Variants in SHISA9 observed in about 807,000 individuals in gnomAD.
SHISA9 encodes the protein shisa family member 9.
In SHISA9, 13 loss-of-function variants were observed where a neutral mutation model predicts 38.0. That is an observed-to-expected ratio of 0.34 (90% CI 0.22 to 0.54). SHISA9 has a LOEUF of 0.54. Ranked by LOEUF, SHISA9 falls within the 20% of genes least tolerant of loss-of-function variation. SHISA9 has a pLI of 0.91. For missense variants in SHISA9, 538 were observed against 575.8 expected, an observed-to-expected ratio of 0.93 and a Z score of 0.67; for synonymous variants, 275 against 242.0, an observed-to-expected ratio of 1.14 and a Z score of -1.27.
the SHISA9 span, among the ~76,000 whole-genome samples, chr16:13,449,694 G>A: frequency 6.6e-5 from 10 of 152,094 alleles, 1 homozygote; most frequent in South Asian, 8.3e-4. Context: ...TGATATTCAC[G>A]GCAAACCCCA....
intron 2 of SHISA9, among the ~76,000 whole-genome samples, chr16:13,100,013 G>C (rs1159269089): frequency 6.6e-6 from 1 of 152,178 alleles, no homozygotes; most frequent in Non-Finnish European, 1.5e-5. Flanking sequence ...ATGGGACTCA[G>C]CAGGAGGTCT....
At chr16:13,515,556 G>A in the SHISA9 span, among the ~76,000 whole-genome samples, 1 of 152,128 alleles carries the variant, frequency 6.6e-6, no homozygotes, top group Non-Finnish European at 1.5e-5. Flanking sequence ...CAGGGTCACA[G>A]ATATGTTTGA....
chr16:13,162,957 T>C (rs2050608276), intron 2 of SHISA9, among the ~76,000 whole-genome samples: 1 of 152,186 alleles, frequency 6.6e-6, no homozygotes, highest in Non-Finnish European at 1.5e-5. Context: ...CTAAATGTGT[T>C]ATTTATAATG....
At chr16:13,003,806 C>G (rs558675950) in intron 2 of SHISA9, among the ~76,000 whole-genome samples, 9 of 151,904 alleles carry the variant, frequency 5.9e-5, no homozygotes, top group Non-Finnish European at 7.4e-5. Context: ...TGCAGTGAGC[C>G]GAGATCGCGC....
At chr16:13,532,557 A>ATGTGTGTGTGTG in the SHISA9 span, among the ~76,000 whole-genome samples, 823 of 150,142 alleles carry the variant, frequency 5.5e-3, 5 homozygotes, top group African/African-American at 0.019. Flanking sequence ...GCGTGTGTGT[A>ATGTGTGTGTGTG]TGTGTGTGTG....
chr16:13,317,858 A>G, the SHISA9 span, among the ~76,000 whole-genome samples: 1 of 152,184 alleles, frequency 6.6e-6, no homozygotes, highest in African/African-American at 2.4e-5. Context: ...AGTCCCTAAG[A>G]TTGGAAATGC....
chr16:13,172,479 A>G (rs1265827214), intron 2 of SHISA9, among the ~76,000 whole-genome samples: 1 of 152,208 alleles, frequency 6.6e-6, no homozygotes, highest in Non-Finnish European at 1.5e-5. Context: ...GTGTGCATGA[A>G]GCCTCTTTAA....
At chr16:13,043,217 G>A (rs2073151609) in intron 2 of SHISA9, among the ~76,000 whole-genome samples, 1 of 152,148 alleles carries the variant, frequency 6.6e-6, no homozygotes. Context: ...TGAGGTCAGA[G>A]GAGTGGCATA....
intron 2 of SHISA9, among the ~76,000 whole-genome samples, chr16:13,013,614 A>G (rs1273698431): frequency 6.6e-6 from 1 of 152,142 alleles, no homozygotes; most frequent in Non-Finnish European, 1.5e-5. Context: ...GTGTCTCCTA[A>G]AGGGTCTTCT....
At chr16:13,194,576 T>C (rs1251644117) in intron 2 of SHISA9, among the ~76,000 whole-genome samples, 1 of 152,232 alleles carries the variant, frequency 6.6e-6, no homozygotes, top group Non-Finnish European at 1.5e-5. Flanking sequence ...ATGTTTATTA[T>C]GTATACAAGT....
At chr16:13,488,159 C>T in the SHISA9 span, among the ~76,000 whole-genome samples, 1 of 152,044 alleles carries the variant, frequency 6.6e-6, no homozygotes, top group African/African-American at 2.4e-5. Flanking sequence ...ACTCTTTCCA[C>T]CTGAGCCCCT....
the SHISA9 span, among the ~76,000 whole-genome samples, chr16:13,300,973 C>T: frequency 6.6e-6 from 1 of 151,840 alleles, no homozygotes; most frequent in Non-Finnish European, 1.5e-5. Flanking sequence ...TTTCACTCTC[C>T]TGTGACTCTT....
At chr16:13,288,327 G>C in the SHISA9 span, among the ~76,000 whole-genome samples, 3 of 152,146 alleles carry the variant, frequency 2.0e-5, no homozygotes, top group Non-Finnish European at 2.9e-5. Flanking sequence ...CAAGATCAGA[G>C]TGCTTGCATG....
At position 13,062,066 on chromosome 16, in the gene SHISA9, A is replaced by C. The variant is rs182478506; in HGVS notation, c.692-141328A>C. On this transcript the variant is annotated intron_variant, in intron 2 of 4. Coordinates refer to ENST00000558583, the MANE Select transcript of SHISA9 (RefSeq NM_001145204.3). ...CAGCTCCGATTATTTTTATTAATCC[A>C]AGTCTGTTGCAGCTTGGGCTGCCAA... Among the ~76,000 whole-genome samples, 179 of 152,320 alleles carry C rather than the reference A, an allele frequency of 1.2e-3. 1 individual carries two copies. Among genetic ancestry groups the C allele is most frequent in the Middle Eastern group, 6.8e-3 (2 of 294 alleles).
chr16:13,517,604 C>G, the SHISA9 span, among the ~76,000 whole-genome samples: 1 of 152,192 alleles, frequency 6.6e-6, no homozygotes, highest in Non-Finnish European at 1.5e-5. Context: ...TTCTTTCAAG[C>G]TTTCCCAGTT....
At chr16:13,397,048 C>G in the SHISA9 span, among the ~76,000 whole-genome samples, 2 of 152,220 alleles carry the variant, frequency 1.3e-5, no homozygotes, top group East Asian at 3.8e-4. Context: ...TGATGATCCA[C>G]TTCCACTTAT....
At chr16:13,072,861 A>T (rs554026775) in intron 2 of SHISA9, among the ~76,000 whole-genome samples, 73 of 152,154 alleles carry the variant, frequency 4.8e-4, no homozygotes, top group African/African-American at 1.6e-3. Context: ...GGGTTTTACC[A>T]TGTTGGCCAG....
intron 2 of SHISA9, among the ~76,000 whole-genome samples, chr16:13,133,721 AG>A (rs1304576540): frequency 5.3e-5 from 8 of 152,174 alleles, no homozygotes; most frequent in Non-Finnish European, 1.2e-4. Context: ...TTTAATTGAA[AG>A]TCATGGAAGT....
intron 2 of SHISA9, among the ~76,000 whole-genome samples, chr16:13,075,093 C>G (rs1158143501): frequency 6.6e-6 from 1 of 152,158 alleles, no homozygotes; most frequent in Non-Finnish European, 1.5e-5. Context: ...CATAAGTGCT[C>G]CCAGCACACT....
Sources: gnomAD v4.1 joint callset for allele counts (sites outside exome capture counted in the v4.1 genomes callset) on GRCh38, gnomAD v4.1.1 for gene constraint, MANE v1.5 for transcripts, NCBI Gene and HGNC (gene_info 2026-07-23, HGNC 2026-07-21) for gene names.